RPS6KA2: variants seen among roughly 807,000 people sequenced by gnomAD.
RPS6KA2 encodes the protein ribosomal protein S6 kinase alpha-2.
A neutral mutation model predicts 91.8 loss-of-function variants in RPS6KA2; 42 were observed. That is an observed-to-expected ratio of 0.46 (90% CI 0.36 to 0.59). The LOEUF (loss-of-function observed/expected upper bound fraction) is 0.59. Among genes scored for constraint, RPS6KA2 ranks in the 20% least tolerant of loss-of-function variants. The probability of loss-of-function intolerance (pLI) is 0.00; values close to 1 mark genes in which losing one functional copy is unlikely to be tolerated. For missense variants in RPS6KA2, 798 were observed against 978.5 expected, an observed-to-expected ratio of 0.82 and a Z score of 2.46; for synonymous variants, 414 against 393.6, an observed-to-expected ratio of 1.05 and a Z score of -0.61.
chr6:166,711,285 G>A (rs1324372290), intron 2 of RPS6KA2, among the ~76,000 whole-genome samples: 1 of 55,286 alleles, frequency 1.8e-5, no homozygotes, highest in East Asian at 8.2e-4. Context: ...GTGAGACCCA[G>A]TCTGTTAAAA....
chr6:166,852,300 A>G lies in RPS6KA2; in HGVS notation c.123+5900T>C, dbSNP rs566807853. ...CAGGGCCTGGAAGATTGTTTTATCAATCTTCTTTCAAATCTACTAGTGATT... is the reference window on the plus strand; with the variant it reads ...CAGGGCCTGGAAGATTGTTTTATCAGTCTTCTTTCAAATCTACTAGTGATT... On this transcript the variant is annotated intron_variant, in intron 2 of 21. Coordinates refer to the RPS6KA2 transcript ENST00000503859. The surrounding 1 kb of genome is among the most constrained non-coding windows in gnomAD (Gnocchi z 4.1). Among the ~76,000 whole-genome samples, 4 of 152,250 alleles carry G rather than the reference A, an allele frequency of 2.6e-5. No homozygotes were observed. Among genetic ancestry groups the G allele is most frequent in the African/African-American group, 9.6e-5 (4 of 41,546 alleles).
At chr6:166,762,093 T>C (rs562583279) in intron 2 of RPS6KA2, among the ~76,000 whole-genome samples, 1 of 152,282 alleles carries the variant, frequency 6.6e-6, no homozygotes, top group African/African-American at 2.4e-5. Flanking sequence ...CAGAGGTACA[T>C]GGTCTGTCCC....
intron 2 of RPS6KA2, among the ~76,000 whole-genome samples, chr6:166,769,754 C>T (rs909562842): frequency 6.6e-6 from 1 of 152,200 alleles, no homozygotes; most frequent in Non-Finnish European, 1.5e-5. Flanking sequence ...TTTGGGACCA[C>T]CTAAAACCAG....
intron 11 of RPS6KA2, among the ~76,000 whole-genome samples, chr6:166,467,944 C>A (rs780111401): frequency 1.3e-4 from 20 of 152,196 alleles, no homozygotes; most frequent in Non-Finnish European, 2.4e-4. Context: ...GCTGTGTGGT[C>A]CCACCTTAAC....
At chr6:166,780,977 G>A (rs757293194) in intron 2 of RPS6KA2, among the ~76,000 whole-genome samples, 3 of 152,278 alleles carry the variant, frequency 2.0e-5, no homozygotes, top group Non-Finnish European at 2.9e-5. Flanking sequence ...CGGACACTTC[G>A]CTAGCAGAAA....
intron 14 of RPS6KA2, among the ~76,000 whole-genome samples, chr6:166,438,616 T>G (rs1429113549): frequency 6.6e-6 from 1 of 152,248 alleles, no homozygotes; most frequent in East Asian, 1.9e-4. Context: ...CCACTGAGCT[T>G]GTGCGGTCTT....
At chr6:166,853,288 A>C (rs1418368725) in intron 2 of RPS6KA2, among the ~76,000 whole-genome samples, 1 of 152,230 alleles carries the variant, frequency 6.6e-6, no homozygotes, top group African/African-American at 2.4e-5. Flanking sequence ...AACAAAAACT[A>C]ATTAAATTCA....
intron 2 of RPS6KA2, among the ~76,000 whole-genome samples, chr6:166,633,249 A>C (rs1455703410): frequency 6.6e-6 from 1 of 152,214 alleles, no homozygotes; most frequent in Non-Finnish European, 1.5e-5. Flanking sequence ...AAACAACCTC[A>C]GAGGAGATTG....
upstream of RPS6KA2, among the ~76,000 whole-genome samples, chr6:166,629,899 C>G (rs1787019228): frequency 6.6e-6 from 1 of 152,118 alleles, no homozygotes; most frequent in African/African-American, 2.4e-5. Context: ...CTGTGGTGGT[C>G]ATTTGTGACA....
At chr6:166,590,632 G>A (rs112647411) in intron 1 of RPS6KA2, among the ~76,000 whole-genome samples, 3 of 152,192 alleles carry the variant, frequency 2.0e-5, no homozygotes, top group Admixed American at 6.5e-5. Context: ...ACACACACAC[G>A]CACGTGCATA....
At chr6:166,784,924 C>T (rs138182184) in intron 2 of RPS6KA2, among the ~76,000 whole-genome samples, 7 of 152,328 alleles carry the variant, frequency 4.6e-5, no homozygotes, top group Admixed American at 3.9e-4. Context: ...TGCTTCCTGG[C>T]TTCTGTTGTA....
intron 13 of RPS6KA2, among the ~76,000 whole-genome samples, chr6:166,449,874 C>CGGACCACCATGGGACAACCACGA (rs1451015927): frequency 8.2e-6 from 1 of 122,670 alleles, no homozygotes; most frequent in East Asian, 3.5e-4. Flanking sequence ...AACCACCACG[C>CGGACCACCATGGGACAACCACGA]GGACCACCAT....
At chr6:166,858,301 T>C (rs1383008907) in intron 1 of RPS6KA2, 3 of 1,223,108 alleles carry the variant, frequency 2.5e-6, no homozygotes, top group Non-Finnish European at 1.2e-6. Context: ...AGCATTGCCA[T>C]GTGTTTGTAG....
At chr6:166,680,590 G>A (rs922052149) in intron 2 of RPS6KA2, among the ~76,000 whole-genome samples, 2 of 152,240 alleles carry the variant, frequency 1.3e-5, no homozygotes, top group East Asian at 3.9e-4. Flanking sequence ...GTGACAGCAC[G>A]AGCCCGCCAG....
At chr6:166,438,663 A>AT (rs1779421833) in intron 14 of RPS6KA2, among the ~76,000 whole-genome samples, 1 of 152,200 alleles carries the variant, frequency 6.6e-6, no homozygotes, top group African/African-American at 2.4e-5. Flanking sequence ...TTGAAGGGAA[A>AT]TTTACAAGTG....
At chr6:166,620,820 A>T (rs1770032206) in intron 1 of RPS6KA2, among the ~76,000 whole-genome samples, 2 of 152,186 alleles carry the variant, frequency 1.3e-5, no homozygotes, top group Admixed American at 1.3e-4. Flanking sequence ...GTAGCTGGGG[A>T]GACAGGTGCT....
Position 166,849,227 on chromosome 6 carries a change from C to T in RPS6KA2, c.123+8973G>A, listed in dbSNP as rs966572529. Among the ~76,000 whole-genome samples, 2 of 152,154 alleles carry T rather than the reference C, an allele frequency of 1.3e-5. No homozygotes were observed. Among genetic ancestry groups the T allele is most frequent in the East Asian group, 1.9e-4 (1 of 5,180 alleles). ...GTTGGTTTCTTCTCATCAGTCAGGT[C>T]GTGGCCTAAACATGGCGTGGGTAGA... is the stretch of plus-strand genomic sequence containing the variant. On this transcript the variant is annotated intron_variant, in intron 2 of 21. Coordinates refer to the RPS6KA2 transcript ENST00000503859. The surrounding 1 kb of genome is among the most constrained non-coding windows in gnomAD (Gnocchi z 4.9).
intron 2 of RPS6KA2, among the ~76,000 whole-genome samples, chr6:166,807,707 G>A (rs946876315): frequency 6.6e-5 from 10 of 152,052 alleles, no homozygotes; most frequent in Middle Eastern, 3.4e-3. Flanking sequence ...GTCTCCCACC[G>A]TCTGCACACA....
At position 166,510,147 on chromosome 6, in the gene RPS6KA2, A is replaced by T. The variant is rs1299750300; in HGVS notation, c.379+130T>A. ...CAGGATAGAAGGCACCTTCCTCCCC[A>T]GGCAGGGCAGGACTCTATGGTATAG... On this transcript the variant is annotated intron_variant, in intron 4 of 20. Transcript: ENST00000265678. 7 of 488,738 alleles carry T rather than the reference A, an allele frequency of 1.4e-5. No homozygotes were observed. In the Admixed American group the frequency reaches 2.6e-4, roughly 18 times the overall value. The allele number at this position is 488,738 out of a possible 1,614,324, so 30.3% of individuals were successfully genotyped here. A position where few individuals can be genotyped will look rare whatever the true frequency, so the allele number is the denominator to read the frequency against.
Sources: gnomAD v4.1 joint callset for allele counts (sites outside exome capture counted in the v4.1 genomes callset) on GRCh38, gnomAD v4.1.1 for gene constraint, Gnocchi (gnomAD v3.1) non-coding constraint, MANE v1.5 for transcripts, NCBI Gene and HGNC (gene_info 2026-07-23, HGNC 2026-07-21) for gene names.